The following ANKS1B variants were observed in gnomAD, a reference collection of about 807,000 sequenced individuals.
The protein encoded by ANKS1B is ankyrin repeat and sterile alpha motif domain-containing protein 1B.
ANKS1B carries 36 observed loss-of-function variants against 148.3 expected under a neutral mutation model. The observed-to-expected ratio is 0.24, with a 90% CI of 0.19 to 0.32. The LOEUF is 0.32. ANKS1B is among the 10% of genes least tolerant of loss of function. ANKS1B has a pLI of 1.00. For synonymous variants in ANKS1B, 542 were observed against 560.8 expected, an observed-to-expected ratio of 0.97 and a Z score of 0.47; for missense variants, 1,157 against 1,542.6, an observed-to-expected ratio of 0.75 and a Z score of 4.19.
intron 25 of ANKS1B, among the ~76,000 whole-genome samples, chr12:98,759,872 C>CG (rs1566122377): frequency 6.6e-6 from 1 of 151,938 alleles, no homozygotes; most frequent in East Asian, 1.9e-4. Flanking sequence ...CCCAGCTACT[C>CG]GGGGGGCTGA....
chr12:99,271,929 GTGGGAATGAGAAT>G (rs1432643656), intron 12 of ANKS1B, among the ~76,000 whole-genome samples: 2 of 151,948 alleles, frequency 1.3e-5, no homozygotes, highest in African/African-American at 4.8e-5. Flanking sequence ...AAAGGTGCAT[GTGGGAATGAGAAT>G]TGGTGGTGCT....
chr12:99,217,439 T>C (rs1054763971), intron 14 of ANKS1B, among the ~76,000 whole-genome samples: 1 of 152,094 alleles, frequency 6.6e-6, no homozygotes, highest in Non-Finnish European at 1.5e-5. Context: ...AAAATCTGGT[T>C]CCTGTTCATT....
At chr12:98,864,066 TGAAG>T (rs2099612747) in intron 17 of ANKS1B, among the ~76,000 whole-genome samples, 4 of 152,172 alleles carry the variant, frequency 2.6e-5, no homozygotes, top group African/African-American at 9.6e-5. Flanking sequence ...CTCTGTTCCT[TGAAG>T]GAAGGAACTA....
chr12:98,958,236 C>T (rs1021744025), intron 17 of ANKS1B, among the ~76,000 whole-genome samples: 6 of 152,172 alleles, frequency 3.9e-5, no homozygotes, highest in Admixed American at 2.0e-4. Context: ...TAGAAAGCTC[C>T]ATTGGGGAAT....
At chr12:99,175,912 T>A (rs1601413529) in intron 14 of ANKS1B, among the ~76,000 whole-genome samples, 1 of 152,212 alleles carries the variant, frequency 6.6e-6, no homozygotes. Context: ...AGTAGCATGA[T>A]CTCCATTGAC....
At chr12:99,116,389 T>C (rs952516986) in intron 15 of ANKS1B, among the ~76,000 whole-genome samples, 2 of 152,334 alleles carry the variant, frequency 1.3e-5, no homozygotes, top group African/African-American at 4.8e-5. Flanking sequence ...TCATTCACCA[T>C]CTGAAAACAC....
Position 99,133,056 on chromosome 12 carries a change from C to CT in ANKS1B, c.2526+21232dup, listed in dbSNP as rs58520928. On this transcript the variant is annotated intron_variant, in intron 15 of 26. Transcript: ENST00000683438. ...TTCTTTTTTTTCTTTTTCTTTCTTT[C>CT]TTTTTTTTTTTTTGAGACAGAGTAT... is the stretch of plus-strand genomic sequence containing the variant. 7.9e-3 allele frequency among the ~76,000 whole-genome samples: 928 copies of CT among 117,892 alleles called. 5 individuals are homozygous for CT. The highest frequency in any genetic ancestry group is 0.013 in the Non-Finnish European group (671 of 53,616). The allele number at this position is 117,892 out of a possible 152,430, so 77.3% of individuals were successfully genotyped here.
chr12:98,767,437 C>T (rs1482983425), intron 25 of ANKS1B, among the ~76,000 whole-genome samples: 1 of 152,196 alleles, frequency 6.6e-6, no homozygotes, highest in Non-Finnish European at 1.5e-5. Flanking sequence ...CCACCCTGCA[C>T]CACGTCTTCA....
intron 11 of ANKS1B, among the ~76,000 whole-genome samples, chr12:99,426,664 CA>C (rs2095261082): frequency 2.6e-5 from 4 of 152,022 alleles, no homozygotes; most frequent in Admixed American, 2.6e-4. Flanking sequence ...AAAATTTTTC[CA>C]TCTTCTTTGA....
intron 9 of ANKS1B, among the ~76,000 whole-genome samples, chr12:99,505,518 ATTTAT>A (rs927082814): frequency 2.6e-5 from 4 of 151,370 alleles, no homozygotes; most frequent in African/African-American, 9.7e-5. Flanking sequence ...AAAAATTAGA[ATTTAT>A]TTCATTTTAT....
At chr12:99,736,161 T>G (rs972557237) in intron 8 of ANKS1B, among the ~76,000 whole-genome samples, 3 of 151,850 alleles carry the variant, frequency 2.0e-5, no homozygotes, top group African/African-American at 7.2e-5. Flanking sequence ...ATCATACTGA[T>G]GGGGAAAGCA....
intron 14 of ANKS1B, among the ~76,000 whole-genome samples, chr12:99,195,870 G>A (rs930318383): frequency 1.3e-5 from 2 of 151,986 alleles, no homozygotes; most frequent in Non-Finnish European, 2.9e-5. Flanking sequence ...ATTGAGAGGT[G>A]CAAAATTTAA....
At chr12:99,287,004 T>C (rs2079216027) in intron 12 of ANKS1B, among the ~76,000 whole-genome samples, 1 of 152,174 alleles carries the variant, frequency 6.6e-6, no homozygotes, top group Non-Finnish European at 1.5e-5. Flanking sequence ...GGCATAAACC[T>C]GGCTACATTT....
chr12:99,963,506 C>T (rs2095444026), intron 1 of ANKS1B, among the ~76,000 whole-genome samples: 2 of 152,140 alleles, frequency 1.3e-5, no homozygotes, highest in African/African-American at 4.8e-5. Flanking sequence ...ATGTGGCATG[C>T]AAAGCTGAAT....
At chr12:99,543,173 A>G (rs536244170) in intron 9 of ANKS1B, among the ~76,000 whole-genome samples, 205 of 152,152 alleles carry the variant, frequency 1.3e-3, no homozygotes, top group African/African-American at 4.9e-3. Context: ...CAAAGGAATA[A>G]GTATTTCTCT....
intron 8 of ANKS1B, among the ~76,000 whole-genome samples, chr12:99,725,106 C>A (rs1266626623): frequency 6.6e-6 from 1 of 152,002 alleles, no homozygotes; most frequent in Admixed American, 6.6e-5. Flanking sequence ...AACTAGTGTG[C>A]AAAATACCAA....
chr12:99,575,549 G>C (rs941905404), intron 9 of ANKS1B, among the ~76,000 whole-genome samples: 1 of 152,070 alleles, frequency 6.6e-6, no homozygotes, highest in African/African-American at 2.4e-5. Flanking sequence ...GGAAGAACAA[G>C]GGATGTCTTA....
intron 12 of ANKS1B, among the ~76,000 whole-genome samples, chr12:99,252,201 T>G (rs1047931725): frequency 6.6e-6 from 1 of 152,156 alleles, no homozygotes; most frequent in Non-Finnish European, 1.5e-5. Context: ...AAAGAAGATA[T>G]GAAAAGTCCC....
intron 16 of ANKS1B, among the ~76,000 whole-genome samples, chr12:99,084,117 T>C (rs574488394): frequency 6.6e-6 from 1 of 152,162 alleles, no homozygotes; most frequent in Admixed American, 6.6e-5. Flanking sequence ...GAACTATAAA[T>C]ACATGATGGG....
Sources: gnomAD v4.1 joint callset for allele counts (sites outside exome capture counted in the v4.1 genomes callset) on GRCh38, gnomAD v4.1.1 for gene constraint, MANE v1.5 for transcripts, NCBI Gene and HGNC (gene_info 2026-07-23, HGNC 2026-07-21) for gene names.